Variants in ROBO2 observed in about 807,000 individuals in gnomAD.
The protein encoded by ROBO2 is roundabout homolog 2.
Under a neutral mutation model 160.8 loss-of-function variants are expected in ROBO2, and 53 were observed. That is an observed-to-expected ratio of 0.33 (90% confidence interval 0.26 to 0.41). The LOEUF (loss-of-function observed/expected upper bound fraction) is 0.41. Among genes scored for constraint, ROBO2 ranks in the 10% least tolerant of loss-of-function variants. The pLI is 1.00. For synonymous variants in ROBO2, 664 were observed against 611.7 expected, an observed-to-expected ratio of 1.09 and a Z score of -1.26; for missense variants, 1,577 against 1,722.4, an observed-to-expected ratio of 0.92 and a Z score of 1.49.
At chr3:77,287,942 T>G (rs1379166347) in intron 2 of ROBO2, among the ~76,000 whole-genome samples, 2 of 152,142 alleles carry the variant, frequency 1.3e-5, no homozygotes. Flanking sequence ...GTGACAATAT[T>G]ATGTATAAAA....
intron 2 of ROBO2, among the ~76,000 whole-genome samples, chr3:76,205,843 T>C (rs1486967218): frequency 2.0e-5 from 3 of 152,098 alleles, no homozygotes; most frequent in Non-Finnish European, 4.4e-5. Context: ...TTGTCACTGA[T>C]AGAAAAGGAA....
At chr3:76,613,260 T>C (rs1490107674) in intron 2 of ROBO2, among the ~76,000 whole-genome samples, 5 of 152,162 alleles carry the variant, frequency 3.3e-5, no homozygotes, top group Admixed American at 3.3e-4. Context: ...TGCTTTTTAT[T>C]TTTTGTGTCC....
At chr3:76,803,956 A>T (rs984108371) in intron 2 of ROBO2, among the ~76,000 whole-genome samples, 24 of 152,158 alleles carry the variant, frequency 1.6e-4, no homozygotes, top group Admixed American at 6.5e-4. Flanking sequence ...TAAAATGCAG[A>T]TTTTCTGTTC....
intron 2 of ROBO2, among the ~76,000 whole-genome samples, chr3:76,403,157 C>T (rs964022708): frequency 3.3e-5 from 5 of 151,494 alleles, no homozygotes; most frequent in African/African-American, 1.2e-4. Flanking sequence ...CATTATTATG[C>T]CTATCACAGG....
At chr3:76,128,169 C>T (rs137883032) in intron 2 of ROBO2, among the ~76,000 whole-genome samples, 1,648 of 152,136 alleles carry the variant, frequency 0.011, 34 homozygotes, top group African/African-American at 0.035. Flanking sequence ...GTTGGGATTA[C>T]AAGCATGAGC....
Position 75,936,967 on chromosome 3 carries a change from G to A in ROBO2, c.-13-514G>A, listed in dbSNP as rs990431099. Among the ~76,000 whole-genome samples the A allele has an allele frequency of 2.4e-4, 37 of 152,068 alleles. 1 individual carries two copies. Among genetic ancestry groups the A allele is most frequent in the African/African-American group, 8.7e-4 (36 of 41,526 alleles). On this transcript the variant is annotated intron_variant, in intron 1 of 26. Transcript: ENST00000487694. The stretch of plus-strand genomic sequence containing the variant: ...AATAAGATTAGTTTTTGCACATGAT[G>A]AATCTCTTTATTCAGTTAATTACTG...
At chr3:77,559,897 A>G (rs190370052) in intron 9 of ROBO2, among the ~76,000 whole-genome samples, 49 of 152,236 alleles carry the variant, frequency 3.2e-4, no homozygotes, top group African/African-American at 1.1e-3. Context: ...GTAAATTAAT[A>G]CAGATATTTT....
chr3:77,438,342 A>G (rs903050762), intron 2 of ROBO2, among the ~76,000 whole-genome samples: 2 of 151,866 alleles, frequency 1.3e-5, no homozygotes, highest in Admixed American at 6.6e-5. Context: ...ATGACTACCC[A>G]CTTAGACTGA....
chr3:76,631,014 G>A (rs1332171686), intron 2 of ROBO2, among the ~76,000 whole-genome samples: 1 of 152,128 alleles, frequency 6.6e-6, no homozygotes, highest in Non-Finnish European at 1.5e-5. Context: ...TGGGCTGAAT[G>A]TGCGAGAATT....
intron 2 of ROBO2, among the ~76,000 whole-genome samples, chr3:77,188,315 A>T (rs2081473768): frequency 7.3e-6 from 1 of 137,658 alleles, no homozygotes; most frequent in African/African-American, 2.7e-5. Flanking sequence ...AATATGAAAG[A>T]GAAACACTAA....
intron 2 of ROBO2, among the ~76,000 whole-genome samples, chr3:76,986,926 T>G (rs954637419): frequency 2.6e-5 from 4 of 152,086 alleles, no homozygotes; most frequent in Admixed American, 6.5e-5. Context: ...CCATGCCAAA[T>G]TAAGGCACAG....
intron 2 of ROBO2, among the ~76,000 whole-genome samples, chr3:77,172,994 C>T (rs1487153235): frequency 6.6e-6 from 1 of 152,110 alleles, no homozygotes; most frequent in Non-Finnish European, 1.5e-5. Context: ...AGCCATTAAT[C>T]AGAAGAATGT....
At chr3:76,931,834 C>A (rs1577588233) in intron 2 of ROBO2, among the ~76,000 whole-genome samples, 1 of 152,066 alleles carries the variant, frequency 6.6e-6, no homozygotes, top group African/African-American at 2.4e-5. Context: ...GCACCTGCCA[C>A]CACGCCTGGC....
chr3:76,620,061 G>A (rs2088940658), intron 2 of ROBO2, among the ~76,000 whole-genome samples: 1 of 152,158 alleles, frequency 6.6e-6, no homozygotes, highest in African/African-American at 2.4e-5. Flanking sequence ...AGTAGATACA[G>A]GGAATTATAA....
At chr3:76,044,794 G>GT (rs539631911) in intron 2 of ROBO2, among the ~76,000 whole-genome samples, 31 of 152,156 alleles carry the variant, frequency 2.0e-4, no homozygotes, top group South Asian at 4.1e-4. Flanking sequence ...TGCATGTTGT[G>GT]TAAGAGGGAC....
intron 2 of ROBO2, among the ~76,000 whole-genome samples, chr3:76,996,673 T>G (rs993247264): frequency 6.6e-6 from 1 of 152,190 alleles, no homozygotes; most frequent in African/African-American, 2.4e-5. Flanking sequence ...CAAACTGAAC[T>G]TCTTTTAATG....
At chr3:77,564,752 C>T (rs2093430522) in intron 11 of ROBO2, among the ~76,000 whole-genome samples, 2 of 151,998 alleles carry the variant, frequency 1.3e-5, no homozygotes, top group South Asian at 2.1e-4. Flanking sequence ...GTGCATGGCA[C>T]TTTTGTTAGG....
At chr3:76,813,680 A>G (rs145861673) in intron 2 of ROBO2, among the ~76,000 whole-genome samples, 7 of 152,182 alleles carry the variant, frequency 4.6e-5, no homozygotes, top group African/African-American at 9.6e-5. Flanking sequence ...ATCTATCTCT[A>G]TTGTGTTCTA....
chr3:76,824,757 C>A (rs752315341), intron 2 of ROBO2, among the ~76,000 whole-genome samples: 1 of 152,080 alleles, frequency 6.6e-6, no homozygotes, highest in African/African-American at 2.4e-5. Flanking sequence ...TTACTGCTTC[C>A]GAGGCTGAGA....
Sources: gnomAD v4.1 joint callset for allele counts (sites outside exome capture counted in the v4.1 genomes callset) on GRCh38, gnomAD v4.1.1 for gene constraint, MANE v1.5 for transcripts, NCBI Gene and HGNC (gene_info 2026-07-23, HGNC 2026-07-21) for gene names.